Variants in ZNF438 observed in about 807,000 individuals in gnomAD.
ZNF438 encodes zinc finger protein 438.
ZNF438 carries 25 observed loss-of-function variants against 38.0 expected under a neutral mutation model. The observed-to-expected ratio is 0.66, with a 90% CI of 0.48 to 0.92. ZNF438 has a LOEUF of 0.92. Among genes scored for constraint, ZNF438 ranks in the 40% least tolerant of loss-of-function variants. The pLI, the probability that ZNF438 is intolerant of heterozygous loss-of-function variation, is 0.00. For missense variants in ZNF438, 1,007 were observed against 999.6 expected, an observed-to-expected ratio of 1.01 and a Z score of -0.10; for synonymous variants, 372 against 364.1, an observed-to-expected ratio of 1.02 and a Z score of -0.25.
chr10:30,959,036 A>C lies in ZNF438; in HGVS notation c.-191-17385T>G, dbSNP rs150515698. ...AATGTTGCCAAGAGCAATTACATAC[A>C]AGTCTTTGTGTGAACATATGTTTTC... On this transcript the variant is annotated intron_variant, in intron 1 of 5. Transcript: ENST00000413025. Among the ~76,000 whole-genome samples the C allele has an allele frequency of 2.6e-3, 385 of 147,452 alleles. 12 individuals are homozygous for C. The highest frequency in any genetic ancestry group is 8.7e-3 in the African/African-American group (360 of 41,218).
intron 1 of ZNF438, among the ~76,000 whole-genome samples, chr10:30,993,607 A>G (rs146345001): frequency 5.3e-4 from 80 of 152,378 alleles, no homozygotes; most frequent in African/African-American, 1.9e-3. Context: ...ACAAGGGTAG[A>G]CTCATTGCTG....
At chr10:30,986,368 C>G (rs1337585256) in intron 1 of ZNF438, among the ~76,000 whole-genome samples, 3 of 152,154 alleles carry the variant, frequency 2.0e-5, no homozygotes, top group African/African-American at 7.2e-5. Flanking sequence ...ATTTTAAACA[C>G]AGAAATCATA....
At chr10:30,887,385 T>C (rs940733611) in intron 3 of ZNF438, among the ~76,000 whole-genome samples, 9 of 152,164 alleles carry the variant, frequency 5.9e-5, no homozygotes, top group African/African-American at 2.2e-4. Context: ...TAAACTCTTT[T>C]TTTTTGAGAC....
At chr10:30,879,121 G>A (rs1464172635) in intron 3 of ZNF438, among the ~76,000 whole-genome samples, 2 of 152,164 alleles carry the variant, frequency 1.3e-5, no homozygotes, top group Admixed American at 1.3e-4. Flanking sequence ...ATCAGCACAG[G>A]CAAGTGAGGA....
intron 1 of ZNF438, among the ~76,000 whole-genome samples, chr10:30,974,818 T>C (rs1281271517): frequency 6.6e-6 from 1 of 152,232 alleles, no homozygotes; most frequent in Non-Finnish European, 1.5e-5. Flanking sequence ...CCTCATTTAA[T>C]AAATCTAGTC....
intron 3 of ZNF438, among the ~76,000 whole-genome samples, chr10:30,894,559 T>C: frequency 6.6e-6 from 1 of 151,914 alleles, no homozygotes; most frequent in East Asian, 1.9e-4. Context: ...GAATAATGAG[T>C]CTGGGTGGGT....
At chr10:30,890,943 C>T (rs138675110) in intron 3 of ZNF438, among the ~76,000 whole-genome samples, 4 of 152,276 alleles carry the variant, frequency 2.6e-5, no homozygotes, top group African/African-American at 9.6e-5. Context: ...TTTGTGGGTA[C>T]GCAATTCCAG....
At chr10:30,912,949 C>T (rs2043229491) in intron 2 of ZNF438, among the ~76,000 whole-genome samples, 1 of 151,906 alleles carries the variant, frequency 6.6e-6, no homozygotes, top group African/African-American at 2.4e-5. Flanking sequence ...ATACAGTTCT[C>T]TTTCCTCTCC....
intron 1 of ZNF438, among the ~76,000 whole-genome samples, chr10:30,976,787 C>T (rs1404959160): frequency 6.6e-6 from 1 of 150,662 alleles, no homozygotes; most frequent in Non-Finnish European, 1.5e-5. Flanking sequence ...AGGTATAATC[C>T]TCAATTGAGA....
intron 1 of ZNF438, among the ~76,000 whole-genome samples, chr10:31,024,502 C>T (rs548258291): frequency 6.6e-6 from 1 of 152,154 alleles, no homozygotes; most frequent in African/African-American, 2.4e-5. Flanking sequence ...GTGGCGGGTG[C>T]CTGCAGTCCT....
At chr10:30,959,508 G>A (rs948031676) in intron 1 of ZNF438, among the ~76,000 whole-genome samples, 1 of 144,510 alleles carries the variant, frequency 6.9e-6, no homozygotes, top group African/African-American at 2.5e-5. Context: ...GAAGGCCGAG[G>A]TGGGCGGATC....
intron 2 of ZNF438, among the ~76,000 whole-genome samples, chr10:30,927,899 A>C (rs1050348935): frequency 1.3e-5 from 2 of 152,146 alleles, no homozygotes; most frequent in Admixed American, 1.3e-4. Flanking sequence ...GAAATTCTCT[A>C]CAAAATATCC....
At chr10:31,024,260 G>A (rs140159841) in intron 1 of ZNF438, among the ~76,000 whole-genome samples, 2 of 152,324 alleles carry the variant, frequency 1.3e-5, no homozygotes, top group African/African-American at 2.4e-5. Flanking sequence ...TCTATAAAAT[G>A]AGAGTAATAA....
intron 2 of ZNF438, among the ~76,000 whole-genome samples, chr10:30,914,908 C>T (rs1430182619): frequency 6.6e-6 from 1 of 151,752 alleles, no homozygotes; most frequent in Non-Finnish European, 1.5e-5. Flanking sequence ...CTATTTATGA[C>T]CTAAGAAGAA....
At chr10:30,851,548 T>C (rs895238615) in intron 4 of ZNF438, among the ~76,000 whole-genome samples, 2 of 152,224 alleles carry the variant, frequency 1.3e-5, no homozygotes, top group Non-Finnish European at 2.9e-5. Flanking sequence ...ATTTATATTT[T>C]CAAATTTTGG....
chr10:30,916,818 T>C (rs1219974470), intron 2 of ZNF438, among the ~76,000 whole-genome samples: 1 of 151,972 alleles, frequency 6.6e-6, no homozygotes, highest in African/African-American at 2.4e-5. Flanking sequence ...CAGAGTGGAG[T>C]TGCTTGGTTG....
At chr10:30,952,472 A>G (rs2048328928) in intron 1 of ZNF438, among the ~76,000 whole-genome samples, 1 of 151,938 alleles carries the variant, frequency 6.6e-6, no homozygotes, top group African/African-American at 2.4e-5. Context: ...GCAACCTACA[A>G]AATGGGAGAA....
chr10:31,023,283 C>G (rs995825605), intron 1 of ZNF438, among the ~76,000 whole-genome samples: 4 of 152,056 alleles, frequency 2.6e-5, no homozygotes, highest in African/African-American at 7.2e-5. Flanking sequence ...CGGCATCTAT[C>G]AAGACTAATT....
intron 2 of ZNF438, among the ~76,000 whole-genome samples, chr10:30,935,599 CAT>C (rs2046164289): frequency 6.6e-6 from 1 of 152,190 alleles, no homozygotes; most frequent in African/African-American, 2.4e-5. Flanking sequence ...CAAATTTTAA[CAT>C]GAGATTTGGA....
Sources: gnomAD v4.1 joint callset for allele counts (sites outside exome capture counted in the v4.1 genomes callset) on GRCh38, gnomAD v4.1.1 for gene constraint, MANE v1.5 for transcripts, NCBI Gene and HGNC (gene_info 2026-07-23, HGNC 2026-07-21) for gene names.